Variants in F8 observed in about 807,000 individuals in gnomAD.
F8 encodes the protein antihemophilic factor.
A neutral mutation model predicts 140.6 loss-of-function variants in F8; 12 were observed. The ratio of observed to expected loss-of-function variants is 0.09; its 90% CI spans 0.05 to 0.14. The LOEUF (loss-of-function observed/expected upper bound fraction) is 0.14, where lower values mean the gene tolerates loss of function less well. Among genes scored for constraint, F8 ranks in the 10% least tolerant of loss-of-function variants. The pLI, the probability that F8 is intolerant of heterozygous loss-of-function variation, is 1.00. For synonymous variants in F8, 585 were observed against 614.6 expected, an observed-to-expected ratio of 0.95 and a Z score of 0.71; for missense variants, 1,354 against 1,720.7, an observed-to-expected ratio of 0.79 and a Z score of 3.77.
chrX:154,972,803 C>A (rs2073465784), intron 6 of F8, among the ~76,000 whole-genome samples: 1 of 102,741 alleles, frequency 9.7e-6, no homozygotes, highest in Non-Finnish European at 2.0e-5. Flanking sequence ...GCAGCCTCCA[C>A]CTCTGGGGTT....
At position 154,949,306 on chromosome X, in the gene F8, C is replaced by T. The variant is rs372437917; in HGVS notation, c.1904-1399G>A. Reference sequence around the variant, plus strand: ...CAGCTGAACTTCCATCAATTGCAGGCGACTAACAGCTTCAAATAAGGCAAA... The same window carrying T: ...CAGCTGAACTTCCATCAATTGCAGGTGACTAACAGCTTCAAATAAGGCAAA... On this transcript the variant is annotated intron_variant, in intron 12 of 25. Coordinates refer to ENST00000360256, the MANE Select transcript of F8 (RefSeq NM_000132.4). Among the ~76,000 whole-genome samples the T allele has an allele frequency of 7.2e-5, 8 of 111,600 alleles. No homozygotes were observed. The East Asian group carries it at 1.7e-3, about 24-fold the overall frequency.
Position 154,931,630 on chromosome X carries a change from G to A in F8, c.2160C>T (p.Gly720=), listed in dbSNP as rs781908130. 6.6e-6 allele frequency: 8 copies of A among 1,211,669 alleles called. No homozygotes were observed. Among genetic ancestry groups the A allele is most frequent in the Non-Finnish European group, 8.9e-6 (8 of 895,363 alleles). ...GCHNSDFRNR[G]MTALLKVSSC... ...TAGAAACCTTCAGTAAGGCGGTCAT[G>A]CCTCTGTTCCGAAAGTCTGAGTTGT... Residue 720 remains glycine, a synonymous_variant, in exon 14 of 26, where the codon GGC becomes GGT. Transcript: ENST00000360256.
At chrX:154,900,579 A>G (rs1405088809) in intron 20 of F8, among the ~76,000 whole-genome samples, 1 of 111,935 alleles carries the variant, frequency 8.9e-6, no homozygotes, top group Non-Finnish European at 1.9e-5. Context: ...AGAAAATGAA[A>G]AGTAAAAATT....
intron 13 of F8, among the ~76,000 whole-genome samples, chrX:154,943,885 C>A (rs1335111542): frequency 2.7e-5 from 3 of 111,664 alleles, no homozygotes; most frequent in Non-Finnish European, 3.8e-5. Flanking sequence ...ACTACCTGAT[C>A]TTTGACAAGC....
intron 25 of F8, 69 bp downstream of exon 25, chrX:154,860,363 T>A (rs973162043): frequency 8.8e-7 from 1 of 1,130,564 alleles, no homozygotes; most frequent in Non-Finnish European, 1.2e-6. Context: ...CCTTTTTATG[T>A]TATGTTAAGC....
intron 1 of F8, among the ~76,000 whole-genome samples, chrX:155,004,366 T>C (rs1363581253): frequency 1.8e-5 from 2 of 112,301 alleles, no homozygotes; most frequent in Admixed American, 1.9e-4. Context: ...AAATTGAATC[T>C]ACAAAGGATA....
At chrX:154,838,028 T>A (rs28370230) in intron 25 of F8, among the ~76,000 whole-genome samples, 3 of 112,491 alleles carry the variant, frequency 2.7e-5, no homozygotes, top group Non-Finnish European at 5.6e-5. Flanking sequence ...ACACACAGCA[T>A]CTGTGTTGGA....
At chrX:154,861,694 A>C in intron 24 of F8, 24 bp downstream of exon 24, 1 of 1,210,264 alleles carries the variant, frequency 8.3e-7, no homozygotes, top group Non-Finnish European at 1.1e-6. Flanking sequence ...GAGTCAGTTA[A>C]ACAGTAAATC....
intron 25 of F8, among the ~76,000 whole-genome samples, chrX:154,838,061 CT>C (rs2072489073): frequency 8.9e-6 from 1 of 112,631 alleles, no homozygotes; most frequent in Non-Finnish European, 1.9e-5. Context: ...GAGAGTCAGG[CT>C]TTGGCCAGCA....
At chrX:154,935,685 T>C (rs1427579543) in intron 13 of F8, among the ~76,000 whole-genome samples, 1 of 111,176 alleles carries the variant, frequency 9.0e-6, no homozygotes, top group Non-Finnish European at 1.9e-5. Context: ...AGATAAATTG[T>C]ATGTCATCTA....
At chrX:154,909,356 T>G in intron 14 of F8, 1 of 124,401 alleles carries the variant, frequency 8.0e-6, no homozygotes, top group Non-Finnish European at 1.7e-5. Flanking sequence ...TCAAGCGGTG[T>G]GCTACACTGG....
chrX:154,896,613 ACCTCAG>A (rs1283863450), intron 21 of F8, among the ~76,000 whole-genome samples: 1 of 110,877 alleles, frequency 9.0e-6, no homozygotes, highest in Non-Finnish European at 1.9e-5. Flanking sequence ...CTTTGCCCAC[ACCTCAG>A]CCTCAGACCA....
chrX:154,955,165 C>CTTTTTTTTT (rs1185466045), intron 11 of F8, among the ~76,000 whole-genome samples: 4 of 36,077 alleles, frequency 1.1e-4, no homozygotes, highest in South Asian at 1.7e-3. Context: ...ATTTATTAAG[C>CTTTTTTTTT]TTTTTTTTTT....
intron 6 of F8, among the ~76,000 whole-genome samples, chrX:154,976,819 G>T (rs928182284): frequency 9.0e-6 from 1 of 111,596 alleles, no homozygotes; most frequent in Non-Finnish European, 1.9e-5. Flanking sequence ...GTAAACTATC[G>T]CAAGAACAAA....
At chrX:155,010,374 C>G (rs1557286475) in intron 1 of F8, among the ~76,000 whole-genome samples, 1 of 111,597 alleles carries the variant, frequency 9.0e-6, no homozygotes, top group East Asian at 2.8e-4. Context: ...ATTCCCTGAC[C>G]TGTGGTTAGA....
At chrX:154,954,592 T>G (rs1273786266) in intron 11 of F8, among the ~76,000 whole-genome samples, 1 of 112,325 alleles carries the variant, frequency 8.9e-6, no homozygotes, top group Admixed American at 9.4e-5. Flanking sequence ...CATTCAAATT[T>G]TTTTCAGAAG....
Position 154,906,567 on chromosome X carries a change from C to G in F8, c.5226G>C (p.Gln1742His). Reference sequence around the variant, plus strand: ...TCTTGAACTGAGGGACACTGCCACTCTGAGCCCTGGAGAAAAAAAGCAGAG... The same window carrying G: ...TCTTGAACTGAGGGACACTGCCACTGTGAGCCCTGGAGAAAAAAAGCAGAG... ...SSPHVLRNRA[Q>H]SGSVPQFKKV... The change falls in exon 15 of 26, where the codon CAG becomes CAC. Residue 1742 changes from glutamine (Q) to histidine (H), a missense_variant. This residue lies in a region of F8 where 316 missense variants were observed against 485.4 expected (regional missense o/e 0.65). Coordinates refer to ENST00000360256, the MANE Select transcript of F8 (RefSeq NM_000132.4). 5.8e-6 allele frequency: 7 copies of G among 1,210,560 alleles called. No homozygotes were observed. The highest frequency in any genetic ancestry group is 7.8e-6 in the Non-Finnish European group (7 of 894,729).
rs1298873680 is a variant in F8, at chrX:154,999,409, GA to G, written c.265+69del. ...CTGCACTTTTTAACTGCAACCTCAAGATTGGGGAATCTGTGATAGAAAATAA... is the reference window on the plus strand; with the variant it reads ...CTGCACTTTTTAACTGCAACCTCAAGTTGGGGAATCTGTGATAGAAAATAA... On this transcript the variant is annotated intron_variant, in intron 2 of 25. Transcript: ENST00000360256. 4.5e-6 allele frequency: 5 copies of G among 1,109,437 alleles called. No individual in the cohort carries two copies. The Admixed American group carries it at 9.0e-5, about 20-fold the overall frequency. 91.4% of individuals were successfully genotyped at this position (1,109,437 alleles called of 1,213,427 possible).
intron 13 of F8, among the ~76,000 whole-genome samples, chrX:154,940,927 T>G (rs1262779350): frequency 3.6e-5 from 4 of 111,472 alleles, no homozygotes; most frequent in African/African-American, 1.3e-4. Flanking sequence ...GCTTCATAAG[T>G]GAAGGAGAAA....
Sources: allele counts gnomAD v4.1 joint callset (sites outside exome capture counted in the v4.1 genomes callset), GRCh38; gene constraint gnomAD v4.1.1; regional missense constraint gnomAD v4.1.1; transcripts MANE v1.5; gene names NCBI Gene and HGNC (gene_info 2026-07-23, HGNC 2026-07-21).